Variants in CDYL observed in about 807,000 individuals in gnomAD.
The protein encoded by CDYL is chromodomain Y-like protein.
Under a neutral mutation model 47.3 loss-of-function variants are expected in CDYL, and 8 were observed. The ratio of observed to expected loss-of-function variants is 0.17; its 90% CI spans 0.10 to 0.31. The LOEUF (loss-of-function observed/expected upper bound fraction) is 0.31, where lower values mean the gene tolerates loss of function less well. Ranked by LOEUF, CDYL falls within the 10% of genes least tolerant of loss-of-function variation. CDYL has a pLI of 1.00. For synonymous variants in CDYL, 266 were observed against 265.0 expected, an observed-to-expected ratio of 1.00 and a Z score of -0.04; for missense variants, 471 against 701.4, an observed-to-expected ratio of 0.67 and a Z score of 3.71.
At chr6:4,758,783 G>T (rs1018330698) in intron 3 of CDYL, among the ~76,000 whole-genome samples, 2 of 151,966 alleles carry the variant, frequency 1.3e-5, no homozygotes, top group Admixed American at 1.3e-4. Flanking sequence ...CATATTTTTC[G>T]ATGTATATTT....
intron 3 of CDYL, among the ~76,000 whole-genome samples, chr6:4,743,692 A>G (rs1003173232): frequency 1.3e-4 from 20 of 152,346 alleles, no homozygotes; most frequent in African/African-American, 4.8e-4. Flanking sequence ...ATTGGATTTT[A>G]TTATATATAT....
intron 1 of CDYL, among the ~76,000 whole-genome samples, chr6:4,790,953 A>G (rs940783194): frequency 1.3e-5 from 2 of 152,246 alleles, no homozygotes; most frequent in African/African-American, 2.4e-5. Flanking sequence ...TCCAACAAAC[A>G]TCAGCAAGTG....
chr6:4,833,378 T>C (rs1306498470), intron 1 of CDYL, among the ~76,000 whole-genome samples: 18 of 151,890 alleles, frequency 1.2e-4, no homozygotes, highest in East Asian at 5.8e-4. Context: ...TGTAGTTGAG[T>C]GGTTTTGAGT....
intron 4 of CDYL, among the ~76,000 whole-genome samples, chr6:4,942,513 G>T (rs932113634): frequency 1.3e-5 from 2 of 152,344 alleles, no homozygotes; most frequent in Non-Finnish European, 1.5e-5. Flanking sequence ...AATCCAGCAA[G>T]TGAAAAGCTG....
intron 1 of CDYL, among the ~76,000 whole-genome samples, chr6:4,801,366 G>T (rs898500716): frequency 6.6e-6 from 1 of 152,094 alleles, no homozygotes; most frequent in African/African-American, 2.4e-5. Flanking sequence ...GGCTCACTTG[G>T]AATCAGTTTC....
intron 2 of CDYL, among the ~76,000 whole-genome samples, chr6:4,895,774 C>T (rs1057336607): frequency 3.9e-5 from 6 of 152,094 alleles, no homozygotes; most frequent in African/African-American, 4.8e-5. Flanking sequence ...TGAAACAATT[C>T]GCAACAAGAA....
chr6:4,882,013 C>T (rs1482329605), intron 1 of CDYL, among the ~76,000 whole-genome samples: 1 of 152,154 alleles, frequency 6.6e-6, no homozygotes, highest in Non-Finnish European at 1.5e-5. Context: ...AAAAGTTTGC[C>T]TTTTTAAGCT....
At chr6:4,771,104 A>G (rs1324265770) in intron 3 of CDYL, among the ~76,000 whole-genome samples, 15 of 151,882 alleles carry the variant, frequency 9.9e-5, no homozygotes, top group Admixed American at 7.9e-4. Context: ...AGAGGGTAAG[A>G]GAATTTGCAC....
At chr6:4,740,704 G>T (rs1757782288) in intron 3 of CDYL, among the ~76,000 whole-genome samples, 1 of 152,010 alleles carries the variant, frequency 6.6e-6, no homozygotes, top group East Asian at 1.9e-4. Context: ...AGCTGCTTCT[G>T]CCAAAACCAT....
intron 1 of CDYL, among the ~76,000 whole-genome samples, chr6:4,831,173 T>A (rs1010193398): frequency 2.6e-5 from 4 of 152,172 alleles, no homozygotes; most frequent in Non-Finnish European, 4.4e-5. Flanking sequence ...CCTGAGGAAT[T>A]AATGCCTAGG....
intron 1 of CDYL, among the ~76,000 whole-genome samples, chr6:4,878,580 TG>T (rs1456106711): frequency 3.3e-5 from 5 of 152,224 alleles, no homozygotes; most frequent in Middle Eastern, 3.4e-3. Context: ...ATTGGTATAA[TG>T]TTTTTCATAA....
intron 2 of CDYL, among the ~76,000 whole-genome samples, chr6:4,718,154 A>G (rs1325523980): frequency 6.6e-6 from 1 of 152,116 alleles, no homozygotes; most frequent in Non-Finnish European, 1.5e-5. Flanking sequence ...TTCTTTTTGA[A>G]TATACCTAAG....
chr6:4,930,969 T>C (rs1042336514), intron 2 of CDYL, among the ~76,000 whole-genome samples: 2 of 152,010 alleles, frequency 1.3e-5, no homozygotes, highest in Non-Finnish European at 2.9e-5. Context: ...AGGGGGGCGG[T>C]TTTTTTCTGA....
At chr6:4,729,985 C>T (rs547357987) in intron 2 of CDYL, among the ~76,000 whole-genome samples, 7 of 152,206 alleles carry the variant, frequency 4.6e-5, no homozygotes, top group Non-Finnish European at 7.4e-5. Context: ...CTTTTCTATT[C>T]TGAAAGGATC....
At chr6:4,905,235 C>T (rs1757195062) in intron 2 of CDYL, among the ~76,000 whole-genome samples, 1 of 152,088 alleles carries the variant, frequency 6.6e-6, no homozygotes, top group South Asian at 2.1e-4. Context: ...TCAACCCTCT[C>T]CAGCCTGAAT....
chr6:4,745,148 C>T (rs575143263), intron 3 of CDYL, among the ~76,000 whole-genome samples: 5 of 152,170 alleles, frequency 3.3e-5, no homozygotes, highest in Admixed American at 2.6e-4. Context: ...TTATTGTAGA[C>T]GAGGTCTCAC....
In CDYL at chr6:4,910,047, T is replaced by A. The variant is rs551547576; in HGVS notation, c.691+17668T>A. Among the ~76,000 whole-genome samples, 466 of 134,390 alleles carry A rather than the reference T, an allele frequency of 3.5e-3. 1 individual carries two copies. Among genetic ancestry groups the A allele is most frequent in the African/African-American group, 5.4e-3 (197 of 36,214 alleles). The allele number at this position is 134,390 out of a possible 152,430, so 88.2% of individuals were successfully genotyped here. On this transcript the variant is annotated intron_variant, in intron 2 of 6. Transcript: ENST00000397588. ...TATACACACATACCTTTTTTTTTTT[T>A]AATCTGGTTGACCTCTTATCCTTCT...
rs1758806535 is a variant in CDYL at position 4,954,390 on chromosome 6, T to A, written c.*334T>A. On this transcript the variant is annotated 3_prime_UTR_variant, in exon 7 of 7. Transcript: ENST00000397588. The stretch of plus-strand genomic sequence containing the variant: ...GTACTGTATAAAAAACAGAATTGTG[T>A]TTTATTGGTTTTGGATGACAGAAAA... 6.1e-6 allele frequency: 1 copy of A among 163,624 alleles called. No individual in the cohort carries two copies. 10.1% of individuals were successfully genotyped at this position (163,624 alleles called of 1,614,324 possible).
At chr6:4,721,713 G>C (rs1225874400) in intron 2 of CDYL, among the ~76,000 whole-genome samples, 1 of 151,974 alleles carries the variant, frequency 6.6e-6, no homozygotes, top group Non-Finnish European at 1.5e-5. Context: ...ACACGTCACT[G>C]CTTGCTGTCT....
Sources: allele counts gnomAD v4.1 joint callset (sites outside exome capture counted in the v4.1 genomes callset), GRCh38; gene constraint gnomAD v4.1.1; transcripts MANE v1.5; gene names NCBI Gene and HGNC (gene_info 2026-07-23, HGNC 2026-07-21).